The following UNC13C variants were observed in gnomAD, a reference collection of about 807,000 sequenced individuals.
The protein encoded by UNC13C is unc-13 homolog C.
Under a neutral mutation model 245.4 loss-of-function variants are expected in UNC13C, and 174 were observed. The ratio of observed to expected loss-of-function variants is 0.71; its 90% CI spans 0.63 to 0.80. The LOEUF is 0.80. Ranked by LOEUF, UNC13C falls within the 30% of genes least tolerant of loss-of-function variation. UNC13C has a pLI of 0.00. For synonymous variants in UNC13C, 992 were observed against 895.1 expected, an observed-to-expected ratio of 1.11 and a Z score of -1.93; for missense variants, 2,829 against 2,602.9, an observed-to-expected ratio of 1.09 and a Z score of -1.89.
chr15:54,329,953 C>T (rs2038396151), intron 14 of UNC13C, among the ~76,000 whole-genome samples: 1 of 151,982 alleles, frequency 6.6e-6, no homozygotes, highest in African/African-American at 2.4e-5. Context: ...AACCTAAGTC[C>T]ACAGAGGTAG....
chr15:53,997,108 A>G (rs1894670482), intron 1 of UNC13C, among the ~76,000 whole-genome samples: 1 of 152,112 alleles, frequency 6.6e-6, no homozygotes, highest in Admixed American at 6.5e-5. Context: ...AGCCATTTTC[A>G]TCTGTATGAA....
the UNC13C span, among the ~76,000 whole-genome samples, chr15:53,936,838 A>G: frequency 6.6e-6 from 1 of 152,194 alleles, no homozygotes; most frequent in Non-Finnish European, 1.5e-5. Context: ...GAAATCAACA[A>G]CAACATCAAC....
At chr15:54,343,170 G>C (rs2038775707) in intron 17 of UNC13C, among the ~76,000 whole-genome samples, 1 of 143,720 alleles carries the variant, frequency 7.0e-6, no homozygotes, top group African/African-American at 2.6e-5. Flanking sequence ...GTTTTGCTCT[G>C]TCACCCAGAC....
At chr15:54,592,863 G>GTTTTTTTTTTTTT (rs56152927) in intron 30 of UNC13C, among the ~76,000 whole-genome samples, 2 of 134,142 alleles carry the variant, frequency 1.5e-5, no homozygotes, top group East Asian at 2.1e-4. Flanking sequence ...TTTGTTTTTT[G>GTTTTTTTTTTTTT]TTTTTTTTTT....
intron 1 of UNC13C, among the ~76,000 whole-genome samples, chr15:53,981,820 T>G (rs557463062): frequency 3.9e-5 from 6 of 152,140 alleles, no homozygotes; most frequent in African/African-American, 1.2e-4. Context: ...AGAGGAGAAG[T>G]AGACAATAAG....
chr15:54,391,005 A>G (rs777347610), intron 17 of UNC13C, among the ~76,000 whole-genome samples: 1 of 152,128 alleles, frequency 6.6e-6, no homozygotes, highest in Non-Finnish European at 1.5e-5. Flanking sequence ...ATCATCAGTA[A>G]TCTTCTGGTG....
chr15:54,575,870 C>T (rs1378118297), intron 30 of UNC13C, among the ~76,000 whole-genome samples: 1 of 152,172 alleles, frequency 6.6e-6, no homozygotes, highest in Non-Finnish European at 1.5e-5. Flanking sequence ...AAGTGTAAAA[C>T]TGAGGAGAAT....
At chr15:53,844,703 A>G in the UNC13C span, among the ~76,000 whole-genome samples, 1 of 152,108 alleles carries the variant, frequency 6.6e-6, no homozygotes. Context: ...CTCAAGTAGA[A>G]GGAAGGGTTC....
chr15:54,580,597 A>G (rs1898156020), intron 30 of UNC13C, among the ~76,000 whole-genome samples: 1 of 152,196 alleles, frequency 6.6e-6, no homozygotes, highest in Admixed American at 6.5e-5. Context: ...GGAAAGCATA[A>G]TAATTCATAC....
chr15:54,621,917 C>T (rs563270147), intron 30 of UNC13C, among the ~76,000 whole-genome samples: 1 of 152,240 alleles, frequency 6.6e-6, no homozygotes, highest in African/African-American at 2.4e-5. Context: ...AAGGCAGGGA[C>T]CCTAACAAAG....
At chr15:54,291,553 G>C (rs1372078137) in intron 10 of UNC13C, among the ~76,000 whole-genome samples, 2 of 151,944 alleles carry the variant, frequency 1.3e-5, no homozygotes, top group Admixed American at 6.6e-5. Context: ...AAAGAACGTG[G>C]AACTTGTGGA....
chr15:53,876,385 A>G, the UNC13C span, among the ~76,000 whole-genome samples: 6 of 152,336 alleles, frequency 3.9e-5, no homozygotes, highest in Non-Finnish European at 7.3e-5. Flanking sequence ...TGGAGGCTCG[A>G]AGGATTGACT....
rs537767265 is a variant in UNC13C, at chr15:54,627,500, T to C, written c.*387T>C. The C allele has an allele frequency of 1.5e-3, 238 of 160,702 alleles. 1 individual carries two copies. Among genetic ancestry groups the C allele is most frequent in the Non-Finnish European group, 2.7e-3 (196 of 72,842 alleles). 10.0% of individuals were successfully genotyped at this position (160,702 alleles called of 1,614,324 possible). On this transcript the variant is annotated 3_prime_UTR_variant, in exon 33 of 33. Coordinates refer to ENST00000260323, the MANE Select transcript of UNC13C (RefSeq NM_001080534.3). ...CATTTATTACTCAATTTCCATTTTA[T>C]TTACTTACCTCATTATAGATGTCTT...
chr15:54,079,243 G>A (rs1421902841), intron 2 of UNC13C, among the ~76,000 whole-genome samples: 1 of 152,050 alleles, frequency 6.6e-6, no homozygotes, highest in African/African-American at 2.4e-5. Flanking sequence ...GTCAGGTAAG[G>A]TCATACCTCT....
intron 4 of UNC13C, among the ~76,000 whole-genome samples, chr15:54,200,204 G>A (rs764053834): frequency 2.0e-5 from 3 of 152,020 alleles, no homozygotes; most frequent in Non-Finnish European, 4.4e-5. Flanking sequence ...CTAGACCTAA[G>A]AAAGGAGAGA....
chr15:54,446,936 A>G (rs1185021118), intron 19 of UNC13C, among the ~76,000 whole-genome samples: 2 of 152,158 alleles, frequency 1.3e-5, no homozygotes, highest in Non-Finnish European at 2.9e-5. Flanking sequence ...TTTGTAGTAA[A>G]TAGCACTTAT....
intron 2 of UNC13C, among the ~76,000 whole-genome samples, chr15:54,082,714 G>T (rs1466491128): frequency 1.3e-5 from 2 of 151,688 alleles, no homozygotes; most frequent in Non-Finnish European, 2.9e-5. Flanking sequence ...TCTTATTTTT[G>T]AGTTTTCTAT....
At chr15:54,346,051 A>G (rs937645125) in intron 17 of UNC13C, among the ~76,000 whole-genome samples, 2 of 152,070 alleles carry the variant, frequency 1.3e-5, no homozygotes, top group Non-Finnish European at 2.9e-5. Flanking sequence ...CTATTCTCAT[A>G]ATACCCTGAC....
At position 54,573,557 on chromosome 15, in the gene UNC13C, C is replaced by G. The variant is rs1232080335; in HGVS notation, c.6106+5610C>G. On this transcript the variant is annotated intron_variant, in intron 30 of 32. Coordinates refer to ENST00000260323, the MANE Select transcript of UNC13C (RefSeq NM_001080534.3). Reference sequence around the variant, plus strand: ...ACCATCTTATTCTGCATCCATTTAACAAACATTTACTGAGTGTCCCCTCTG... The same window carrying G: ...ACCATCTTATTCTGCATCCATTTAAGAAACATTTACTGAGTGTCCCCTCTG... Among the ~76,000 whole-genome samples, 3 of 152,204 alleles carry G rather than the reference C, an allele frequency of 2.0e-5. No homozygotes were observed. In the East Asian group the frequency reaches 5.8e-4, roughly 29 times the overall value.
Sources: gnomAD v4.1 joint callset for allele counts (sites outside exome capture counted in the v4.1 genomes callset) on GRCh38, gnomAD v4.1.1 for gene constraint, MANE v1.5 for transcripts, NCBI Gene and HGNC (gene_info 2026-07-23, HGNC 2026-07-21) for gene names.